VBP1: variants seen among roughly 807,000 people sequenced by gnomAD.
The protein encoded by VBP1 is VHL binding protein 1, also known as prefoldin subunit 3.
In VBP1, 4 loss-of-function variants were observed where a neutral mutation model predicts 15.5. The ratio of observed to expected loss-of-function variants is 0.26; its 90% confidence interval spans 0.13 to 0.59. The LOEUF (loss-of-function observed/expected upper bound fraction) is 0.59, where lower values mean the gene tolerates loss of function less well. Ranked by LOEUF, VBP1 falls within the 20% of genes least tolerant of loss-of-function variation. VBP1 has a pLI of 0.90. For synonymous variants in VBP1, 61 were observed against 52.1 expected (o/e 1.17, Z -0.74); for missense variants, 108 against 139.6 (o/e 0.77, Z 1.14).
chrX:155,208,065 G>T (rs1240331163), intron 1 of VBP1, among the ~76,000 whole-genome samples: 1 of 111,936 alleles, frequency 8.9e-6, no homozygotes, highest in Admixed American at 9.5e-5. Context: ...AGGGAGAAGT[G>T]AGGGAAAAGA....
intron 1 of VBP1, among the ~76,000 whole-genome samples, chrX:155,199,902 G>T (rs201378084): frequency 8.5e-3 from 623 of 73,645 alleles, no homozygotes; most frequent in African/African-American, 8.7e-3. Flanking sequence ...CAAAATAAAA[G>T]GATGGAGGAA....
intron 1 of VBP1, among the ~76,000 whole-genome samples, chrX:155,208,441 T>C (rs1417685385): frequency 8.9e-6 from 1 of 112,428 alleles, no homozygotes; most frequent in Non-Finnish European, 1.9e-5. Context: ...TATCAAATCA[T>C]ATGTTCATAC....
chrX:155,210,730 T>C (rs987043778), intron 2 of VBP1, among the ~76,000 whole-genome samples: 1 of 112,024 alleles, frequency 8.9e-6, no homozygotes, highest in Non-Finnish European at 1.9e-5. Context: ...TTTGCTGAAA[T>C]TGATTTCCTG....
intron 2 of VBP1, among the ~76,000 whole-genome samples, chrX:155,222,542 C>T (rs1047852336): frequency 1.1e-4 from 12 of 111,019 alleles, no homozygotes; most frequent in African/African-American, 2.3e-4. Context: ...GGGAAATTTG[C>T]GTATCAAACT....
At chrX:155,208,967 T>C in exon 2 of VBP1, 1 of 1,154,496 alleles carries the variant, frequency 8.7e-7, no homozygotes, top group Non-Finnish European at 1.1e-6. Flanking sequence ...TTCCACTCCA[T>C]CCCCAGAGCA....
chrX:155,220,581 C>T (rs2074684641), intron 2 of VBP1, among the ~76,000 whole-genome samples: 1 of 111,364 alleles, frequency 9.0e-6, no homozygotes, highest in African/African-American at 3.3e-5. Flanking sequence ...ATCATAACGT[C>T]TTATATGTCT....
rs2074606342 is a variant in VBP1 at position 155,202,040 on chromosome X, A to T, written c.-31+4901A>T. 1.8e-5 allele frequency among the ~76,000 whole-genome samples: 2 copies of T among 111,581 alleles called. 1 individual carries two copies. Among genetic ancestry groups the T allele is most frequent in the South Asian group, 7.5e-4 (2 of 2,656 alleles). On this transcript the variant is annotated intron_variant, in intron 1 of 6. Coordinates refer to the VBP1 transcript ENST00000535916. ...TTCAAAGAGAATAAAATACCTAGGA[A>T]TCCAACTTACAAGGGACGTGAAGGA...
chrX:155,212,831 T>TC (rs782756015), upstream of VBP1: 1 of 111,613 alleles, frequency 9.0e-6, no homozygotes, highest in Non-Finnish European at 1.9e-5. Context: ...ACAAAGGACC[T>TC]CTCCACATCA....
chrX:155,224,050 C>T (rs1358212586), intron 2 of VBP1, among the ~76,000 whole-genome samples: 8 of 108,610 alleles, frequency 7.4e-5, no homozygotes, highest in Admixed American at 3.9e-4. Context: ...GATGGGCGGC[C>T]GGGCAGAGAC....
chrX:155,202,866 A>G (rs2074610909), intron 1 of VBP1, among the ~76,000 whole-genome samples: 1 of 111,319 alleles, frequency 9.0e-6, no homozygotes, highest in Non-Finnish European at 1.9e-5. Context: ...TCATCTGACA[A>G]AGGGCTAATA....
intron 1 of VBP1, chrX:155,208,796 C>A: frequency 3.5e-6 from 2 of 573,085 alleles, no homozygotes; most frequent in Non-Finnish European, 5.3e-6. Flanking sequence ...GCTACTTGTT[C>A]TCATGGTACT....
At chrX:155,223,115 TG>T (rs200313665) in intron 2 of VBP1, among the ~76,000 whole-genome samples, 2,040 of 105,291 alleles carry the variant, frequency 0.019, 82 homozygotes, top group African/African-American at 0.033. Context: ...CTAGCCTTTT[TG>T]TTTTTTTTTT....
intron 2 of VBP1, among the ~76,000 whole-genome samples, chrX:155,225,635 T>C (rs2074716098): frequency 8.9e-6 from 1 of 112,279 alleles, no homozygotes; most frequent in Non-Finnish European, 1.9e-5. Flanking sequence ...TATAGCATAT[T>C]ACATATAATA....
chrX:155,203,610 T>C (rs1176570058), intron 1 of VBP1, among the ~76,000 whole-genome samples: 3 of 29,918 alleles, frequency 1.0e-4, no homozygotes, highest in African/African-American at 4.5e-4. Context: ...GGGACTGTTG[T>C]GGGGTGGGGG....
intron 1 of VBP1, among the ~76,000 whole-genome samples, chrX:155,207,784 C>T (rs1014254042): frequency 1.3e-4 from 15 of 111,520 alleles, no homozygotes; most frequent in African/African-American, 4.2e-4. Flanking sequence ...TCTAGTCTGT[C>T]GAGAAAATTA....
intron 4 of VBP1, among the ~76,000 whole-genome samples, chrX:155,233,387 A>G (rs1393549820): frequency 8.9e-6 from 1 of 111,915 alleles, no homozygotes; most frequent in African/African-American, 3.3e-5. Flanking sequence ...CTGTTTTCAA[A>G]GCAGTGATAT....
chrX:155,197,248 C>T (rs1317179524), intron 1 of VBP1: 1 of 111,600 alleles, frequency 9.0e-6, no homozygotes, highest in African/African-American at 3.2e-5. Flanking sequence ...GTTCACATTA[C>T]TCTCTGATGT....
At chrX:155,198,210 A>G (rs1216781412) in intron 1 of VBP1, among the ~76,000 whole-genome samples, 1 of 112,333 alleles carries the variant, frequency 8.9e-6, no homozygotes, top group Non-Finnish European at 1.9e-5. Flanking sequence ...GACAGCAGTA[A>G]CCTCTGCAGA....
At chrX:155,211,302 T>G (rs1326545968) in intron 2 of VBP1, among the ~76,000 whole-genome samples, 1 of 112,373 alleles carries the variant, frequency 8.9e-6, no homozygotes, top group Non-Finnish European at 1.9e-5. Flanking sequence ...GTAATTTATC[T>G]TCACTACCTC....
Sources: gnomAD v4.1 joint callset for allele counts (sites outside exome capture counted in the v4.1 genomes callset) on GRCh38, gnomAD v4.1.1 for gene constraint, MANE v1.5 for transcripts, NCBI Gene and HGNC (gene_info 2026-07-23, HGNC 2026-07-21) for gene names.